Variants in ELAC2 observed in about 807,000 individuals in gnomAD.
ELAC2 encodes zinc phosphodiesterase ELAC protein 2.
ELAC2 carries 92 observed loss-of-function variants against 105.2 expected under a neutral mutation model. The observed-to-expected ratio is 0.87, with a 90% confidence interval of 0.74 to 1.04. ELAC2 has a LOEUF of 1.04. Among genes scored for constraint, ELAC2 ranks in the 50% least tolerant of loss-of-function variants. ELAC2 has a pLI of 0.00. For synonymous variants in ELAC2, 468 were observed against 409.1 expected (o/e 1.14, Z -1.74); for missense variants, 1,099 against 1,071.7 (o/e 1.03, Z -0.36).
chr17:12,994,745 T>G lies in ELAC2; in HGVS notation c.2029+19A>C. On this transcript the variant is annotated intron_variant, in intron 21 of 23. Transcript: ENST00000338034. ...ACCCCAGAGCAACCTCAGGGTGGCTTGCTTCTTCCTCTACTCACCCATCCG... is the reference window on the plus strand; with the variant it reads ...ACCCCAGAGCAACCTCAGGGTGGCTGGCTTCTTCCTCTACTCACCCATCCG... 1 of 1,613,742 alleles carries G rather than the reference T, an allele frequency of 6.2e-7. No individual in the cohort carries two copies. The highest frequency in any genetic ancestry group is 1.3e-5 in the African/African-American group (1 of 75,052).
chr17:13,011,476 T>C (rs1228954679), intron 7 of ELAC2, among the ~76,000 whole-genome samples, 187 bp downstream of exon 7: 1 of 152,146 alleles, frequency 6.6e-6, no homozygotes, highest in Non-Finnish European at 1.5e-5. Flanking sequence ...ATTATTAAAG[T>C]TGCAGGCTGC....
At chr17:13,006,069 TA>T (rs556486507) in intron 8 of ELAC2, 90 bp from the exon 9 acceptor site, 1,292 of 1,314,158 alleles carry the variant, frequency 9.8e-4, no homozygotes, top group Non-Finnish European at 1.2e-3. Context: ...TTTTCTAGAT[TA>T]AAAAAAAATA....
At chr17:12,996,178 C>G (rs983183972) in intron 17 of ELAC2, 200 bp from the exon 18 acceptor site, 27 of 700,422 alleles carry the variant, frequency 3.9e-5, no homozygotes, top group Middle Eastern at 3.8e-4. Context: ...CGACACGACC[C>G]GTGCTGGGAA....
Position 12,991,854 on chromosome 17 carries a change from T to C in ELAC2, c.*964A>G, listed in dbSNP as rs1671634384. Among the ~76,000 whole-genome samples, 2 of 147,362 alleles carry C rather than the reference T, an allele frequency of 1.4e-5. No homozygotes were observed. The highest frequency in any genetic ancestry group is 3.1e-5 in the Non-Finnish European group (2 of 65,322). On this transcript the variant is annotated 3_prime_UTR_variant, in exon 24 of 24. Transcript: ENST00000338034. The stretch of plus-strand genomic sequence containing the variant: ...CAATAAATACTAGATTCAACTTACT[T>C]ACTTACTTACTTACTTTACTTACTT...
At chr17:13,003,790 C>T in intron 11 of ELAC2, 1 of 584,672 alleles carries the variant, frequency 1.7e-6, no homozygotes, top group Non-Finnish European at 3.1e-6. Flanking sequence ...ATCTGGCAAG[C>T]TCTGCTCTGG....
At position 13,003,522 on chromosome 17, in the gene ELAC2, CT is replaced by C; in HGVS notation, c.1035del (p.Ala346HisfsTer25). ...APVALVVHMAPASVLVDSRYQ... is the reference protein window; with the variant it reads ...APVALVVHMAXASVLVDSRYQ... ...TACCTGCTGTCCACAAGCACAGATG[CT>C]GGGGCCATGTGAACCACCAAGGCCA... On this transcript the variant is annotated frameshift_variant, in exon 12 of 24. Coordinates refer to ENST00000338034, the MANE Select transcript of ELAC2 (RefSeq NM_018127.7). LOFTEE classifies it high-confidence loss of function. The C allele has an allele frequency of 6.2e-7, 1 of 1,614,204 alleles. No homozygotes were observed.
intron 8 of ELAC2, among the ~76,000 whole-genome samples, chr17:13,008,694 T>TG (rs1254162177): frequency 6.6e-6 from 1 of 151,208 alleles, no homozygotes; most frequent in East Asian, 1.9e-4. Context: ...GCCGAGGTCT[T>TG]CCAACAGATG....
intron 15 of ELAC2, among the ~76,000 whole-genome samples, chr17:12,999,513 GC>G (rs2040649569): frequency 6.6e-6 from 1 of 152,248 alleles, no homozygotes; most frequent in Non-Finnish European, 1.5e-5. Flanking sequence ...CATCCGCAAA[GC>G]CAGGACTAGA....
chr17:13,001,267 T>C (rs1365361667), intron 14 of ELAC2, among the ~76,000 whole-genome samples: 2 of 152,042 alleles, frequency 1.3e-5, no homozygotes, highest in Admixed American at 6.6e-5. Context: ...CTGAGGTGGG[T>C]GGATCACCTG....
chr17:13,014,458 T>A lies in ELAC2; in HGVS notation c.471A>T (p.Pro157=). The A allele has an allele frequency of 6.2e-7, 1 of 1,613,802 alleles. No individual in the cohort carries two copies. Among genetic ancestry groups the A allele is most frequent in the Non-Finnish European group, 8.5e-7 (1 of 1,179,734 alleles). The part of the protein sequence containing the change: ...YLEAIKIFSG[P]LKGIELAVRP... ...ACGTACCCAGTTCTATTCCTTTCAA[T>A]GGACCAGAAAATATTTTGATTGCTT... The change falls in exon 5 of 24, where the codon CCA becomes CCT. Residue 157 remains proline (P), a synonymous_variant. Transcript: ENST00000338034.
chr17:12,996,333 C>CT, intron 17 of ELAC2: 1 of 723,290 alleles, frequency 1.4e-6, no homozygotes, highest in Admixed American at 2.2e-5. Flanking sequence ...CAAACCTGTC[C>CT]TGCTGCAGGA....
At chr17:13,012,632 T>A (rs2041481876) in intron 6 of ELAC2, among the ~76,000 whole-genome samples, 2 of 152,196 alleles carry the variant, frequency 1.3e-5, no homozygotes, top group Admixed American at 6.5e-5. Flanking sequence ...TTAGTAAGCA[T>A]CACATTAGTT....
At position 12,995,019 on chromosome 17, in the gene ELAC2, T is replaced by C. The variant is rs1215091496; in HGVS notation, c.1852A>G (p.Ser618Gly). 1 of 1,614,090 alleles carries C rather than the reference T, an allele frequency of 6.2e-7. No homozygotes were observed. The highest frequency in any genetic ancestry group is 8.5e-7 in the Non-Finnish European group (1 of 1,180,052). Residue 618 changes from serine to glycine, a missense_variant, in exon 20 of 24, where the codon AGT (serine) becomes GGT (glycine). Coordinates refer to ENST00000338034, the MANE Select transcript of ELAC2 (RefSeq NM_018127.7). ...KCLQEGAEIS[S>G]PAVERLISSL... ...CTGATCAATCTTTCCACTGCAGGAC[T>C]GGAGATCTCAGCCCCTTCCTGAAGG...
Position 13,015,967 on chromosome 17 carries a change from T to A in ELAC2, c.368-135A>T, listed in dbSNP as rs1598274798. 5.3e-6 allele frequency: 4 copies of A among 748,244 alleles called. No individual in the cohort carries two copies. In the East Asian group the frequency reaches 1.0e-4, roughly 19 times the overall value. The allele number at this position is 748,244 out of a possible 1,614,324, so 46.4% of individuals were successfully genotyped here. ...TTTGGAAGTACAACCAGGGAAGATG[T>A]ACAGAGCAGAAGTGATGCCAGCTAG... On this transcript the variant is annotated intron_variant, in intron 3 of 23. Coordinates refer to ENST00000338034, the MANE Select transcript of ELAC2 (RefSeq NM_018127.7).
rs750378111 is a variant in ELAC2, at chr17:13,005,110, C to G, written c.871-9G>C. 1 of 1,604,322 alleles carries G rather than the reference C, an allele frequency of 6.2e-7. No individual in the cohort carries two copies. The highest frequency in any genetic ancestry group is 1.7e-4 in the Middle Eastern group (1 of 6,048). Reference sequence around the variant, plus strand: ...AGCTCTTCAGCCAAAATCTGCAAAACCAAATAAGCCCGCCCACTGGGGGTC... The same window carrying G: ...AGCTCTTCAGCCAAAATCTGCAAAAGCAAATAAGCCCGCCCACTGGGGGTC... On this transcript the variant is annotated splice_polypyrimidine_tract_variant and intron_variant, in intron 10 of 23. Coordinates refer to ENST00000338034, the MANE Select transcript of ELAC2 (RefSeq NM_018127.7).
In ELAC2 at chr17:13,000,040, A is replaced by G. The variant is rs186442231; in HGVS notation, c.1423+116T>C. ...GTAGAGCTGAGTAGAGAAGCCCTGG[A>G]TTAGACTGAAAAGCCAGGTTAGAAT... On this transcript the variant is annotated intron_variant, in intron 15 of 23. Coordinates refer to ENST00000338034, the MANE Select transcript of ELAC2 (RefSeq NM_018127.7). The G allele has an allele frequency of 2.3e-3, 2,041 of 896,530 alleles. 18 individuals carry two copies. In the African/African-American group the frequency reaches 0.028, roughly 12 times the overall value. The allele number at this position is 896,530 out of a possible 1,614,324, so 55.5% of individuals were successfully genotyped here. A position where few individuals can be genotyped will look rare whatever the true frequency, so the allele number is the denominator to read the frequency against.
rs2041696297 is a variant in ELAC2 at position 13,015,962 on chromosome 17, A to T, written c.368-130T>A. ...CCAGCTTTGGAAGTACAACCAGGGA[A>T]GATGTACAGAGCAGAAGTGATGCCA... On this transcript the variant is annotated intron_variant, in intron 3 of 23. Coordinates refer to ENST00000338034, the MANE Select transcript of ELAC2 (RefSeq NM_018127.7). 33 of 755,634 alleles carry T rather than the reference A, an allele frequency of 4.4e-5. No homozygotes were observed. The South Asian group carries it at 4.8e-4, about 11-fold the overall frequency. 46.8% of individuals were successfully genotyped at this position (755,634 alleles called of 1,614,324 possible).
chr17:12,994,018 G>A (rs1417847385), intron 22 of ELAC2, among the ~76,000 whole-genome samples, 187 bp from the exon 23 acceptor site: 1 of 152,132 alleles, frequency 6.6e-6, no homozygotes, highest in East Asian at 1.9e-4. Flanking sequence ...ACCCCTGGAT[G>A]AAGCCCACCC....
chr17:12,992,835 T>C lies in ELAC2; in HGVS notation c.2464A>G (p.Lys822Glu). The C allele has an allele frequency of 1.2e-6, 2 of 1,611,492 alleles. No individual in the cohort carries two copies. The highest frequency in any genetic ancestry group is 1.7e-6 in the Non-Finnish European group (2 of 1,178,210). Reference protein sequence around the residue: ...RAHTEEPQAKKVRAQ With the variant: ...RAHTEEPQAKEVRAQ Reference sequence around the variant, plus strand: ...CCAGATCTTCACTGGGCTCTGACCTTCTTGGCCTGTGGCTCCTCTGTGTGG... The same window carrying C: ...CCAGATCTTCACTGGGCTCTGACCTCCTTGGCCTGTGGCTCCTCTGTGTGG... Residue 822 changes from lysine (K) to glutamate (E), a missense_variant, in exon 24 of 24, where the codon AAG becomes GAG. Transcript: ENST00000338034.
Sources: gnomAD v4.1 joint callset for allele counts (sites outside exome capture counted in the v4.1 genomes callset) on GRCh38, gnomAD v4.1.1 for gene constraint, MANE v1.5 for transcripts, NCBI Gene and HGNC (gene_info 2026-07-23, HGNC 2026-07-21) for gene names.